SIK2: variants seen among roughly 807,000 people sequenced by gnomAD.
SIK2 encodes the protein salt inducible kinase 2.
SIK2 carries 29 observed loss-of-function variants against 103.2 expected under a neutral mutation model. The ratio of observed to expected loss-of-function variants is 0.28; its 90% CI spans 0.21 to 0.38. The LOEUF is 0.38. Among genes scored for constraint, SIK2 ranks in the 10% least tolerant of loss-of-function variants. SIK2 has a pLI of 1.00. For missense variants in SIK2, 879 were observed against 1,171.0 expected, an observed-to-expected ratio of 0.75 and a Z score of 3.64; for synonymous variants, 412 against 446.1, an observed-to-expected ratio of 0.92 and a Z score of 0.96.
intron 3 of SIK2, among the ~76,000 whole-genome samples, chr11:111,676,018 G>GT (rs533762078): frequency 2.0e-5 from 3 of 152,090 alleles, no homozygotes; most frequent in Non-Finnish European, 2.9e-5. Flanking sequence ...GCAGTTTTTG[G>GT]TTTTCTGTTT....
intron 9 of SIK2, among the ~76,000 whole-genome samples, chr11:111,712,728 A>G (rs942484859): frequency 1.3e-5 from 2 of 152,264 alleles, no homozygotes; most frequent in Admixed American, 6.5e-5. Context: ...GCTGAAAACA[A>G]AAAAATTAAC....
At chr11:111,654,160 T>C (rs2135865752) in intron 3 of SIK2, among the ~76,000 whole-genome samples, 1 of 152,366 alleles carries the variant, frequency 6.6e-6, no homozygotes, top group Non-Finnish European at 1.5e-5. Context: ...CTTTATTGTT[T>C]TTTCAATTTT....
At chr11:111,712,040 A>G (rs1943511056) in intron 8 of SIK2, among the ~76,000 whole-genome samples, 171 bp from the exon 9 acceptor site, 1 of 152,270 alleles carries the variant, frequency 6.6e-6, no homozygotes, top group South Asian at 2.1e-4. Context: ...AGTCTGCTTC[A>G]GATCACTGTC....
chr11:111,723,260 T>A (rs912076197), intron 14 of SIK2, among the ~76,000 whole-genome samples: 1 of 151,976 alleles, frequency 6.6e-6, no homozygotes, highest in African/African-American at 2.4e-5. Flanking sequence ...AAACTCGGAG[T>A]CAGAGAAAAT....
In SIK2 at chr11:111,726,890, T is replaced by TA; in HGVS notation, c.*2766dup. 2 of 1,408,468 alleles carry TA rather than the reference T, an allele frequency of 1.4e-6. No homozygotes were observed. The highest frequency in any genetic ancestry group is 2.0e-6 in the Non-Finnish European group (2 of 1,003,836). The allele number at this position is 1,408,468 out of a possible 1,614,324, so 87.2% of individuals were successfully genotyped here. On this transcript the variant is annotated 3_prime_UTR_variant, in exon 15 of 15. Transcript: ENST00000304987. Reference sequence around the variant, plus strand: ...AGACTTTGGTGAGATGAACGTGAGGTAAAAATTTCGTTCGGCAAAAAGTGC... The same window carrying TA: ...AGACTTTGGTGAGATGAACGTGAGGTAAAAAATTTCGTTCGGCAAAAAGTGC...
Position 111,724,258 on chromosome 11 carries a change from TGGAA to T in SIK2, c.*130_*133del, listed in dbSNP as rs1023089056. The T allele has an allele frequency of 1.3e-5, 17 of 1,317,452 alleles. No homozygotes were observed. In the African/African-American group the frequency reaches 1.8e-4, roughly 14 times the overall value. The allele number at this position is 1,317,452 out of a possible 1,614,324, so 81.6% of individuals were successfully genotyped here. A position where few individuals can be genotyped will look rare whatever the true frequency, so the allele number is the denominator to read the frequency against. ...ACGGGGAGAAATCGAGCCACCCAAC[TGGAA>T]TCAGAGGGTCTGGCTGGGGTGGATG... On this transcript the variant is annotated 3_prime_UTR_variant, in exon 15 of 15. Coordinates refer to ENST00000304987, the MANE Select transcript of SIK2 (RefSeq NM_015191.3).
intron 3 of SIK2, among the ~76,000 whole-genome samples, chr11:111,642,543 C>CA (rs1689985359): frequency 6.6e-6 from 1 of 152,170 alleles, no homozygotes; most frequent in Non-Finnish European, 1.5e-5. Flanking sequence ...GCCACCCTCC[C>CA]AGCACCTCAG....
At chr11:111,683,161 G>T in intron 3 of SIK2, 1 of 155,122 alleles carries the variant, frequency 6.4e-6, no homozygotes. Flanking sequence ...TGATCGCCAG[G>T]GTTGATTTGG....
At position 111,668,919 on chromosome 11, in the gene SIK2, G is replaced by A. The variant is rs151211502; in HGVS notation, c.317-19082G>A. Among the ~76,000 whole-genome samples the A allele has an allele frequency of 1.6e-3, 239 of 152,312 alleles. 2 individuals carry two copies. The highest frequency in any genetic ancestry group is 5.3e-3 in the African/African-American group (221 of 41,562). ...TTTGTTGATGGATTGGATGTGGAGA[G>A]AGGGCAGGGTGTGGAGATTAGCTCT... On this transcript the variant is annotated intron_variant, in intron 3 of 14. Coordinates refer to ENST00000304987, the MANE Select transcript of SIK2 (RefSeq NM_015191.3).
In SIK2 at chr11:111,712,321, T is replaced by C. The variant is rs1565382730; in HGVS notation, c.1212T>C (p.Ser404=). ...SNVEAFSFPA[S]GCQAEAAFME... ...TGGAGGCCTTTTCATTTCCAGCATC[T>C]GGCTGTCAGGCGGAAGCTGCATTCA... The change falls in exon 9 of 15, where the codon TCT becomes TCC. Residue 404 remains serine, a synonymous_variant. Coordinates refer to ENST00000304987, the MANE Select transcript of SIK2 (RefSeq NM_015191.3). 1 of 1,614,216 alleles carries C rather than the reference T, an allele frequency of 6.2e-7. No individual in the cohort carries two copies. Among genetic ancestry groups the C allele is most frequent in the Admixed American group, 1.7e-5 (1 of 60,022 alleles).
intron 3 of SIK2, among the ~76,000 whole-genome samples, chr11:111,677,561 G>T (rs1233219907): frequency 4.0e-5 from 6 of 151,056 alleles, no homozygotes; most frequent in African/African-American, 1.5e-4. Context: ...GAGATTACAG[G>T]CGTGTGCCAC....
intron 9 of SIK2, among the ~76,000 whole-genome samples, chr11:111,714,562 G>A (rs1017808646): frequency 5.9e-5 from 9 of 152,174 alleles, no homozygotes; most frequent in Non-Finnish European, 1.0e-4. Context: ...CTAGAATAGT[G>A]GCAGATAGAG....
rs1156593911 is a variant in SIK2, at chr11:111,730,646, T to C, written c.*6517T>C. 1.3e-5 allele frequency: 2 copies of C among 152,082 alleles called. No homozygotes were observed. Among genetic ancestry groups the C allele is most frequent in the Non-Finnish European group, 2.9e-5 (2 of 68,014 alleles). 9.4% of individuals were successfully genotyped at this position (152,082 alleles called of 1,614,324 possible). On this transcript the variant is annotated 3_prime_UTR_variant, in exon 15 of 15. Transcript: ENST00000304987. Reference sequence around the variant, plus strand: ...GGTGAGTTCAGTAGCTTTGGTATTATGAGTGCAAATCATAATAGCTCCAAT... The same window carrying C: ...GGTGAGTTCAGTAGCTTTGGTATTACGAGTGCAAATCATAATAGCTCCAAT...
At chr11:111,613,764 T>C (rs912755174) in intron 1 of SIK2, among the ~76,000 whole-genome samples, 5 of 152,214 alleles carry the variant, frequency 3.3e-5, no homozygotes, top group Non-Finnish European at 7.3e-5. Context: ...CTATGTACTT[T>C]ACTCCCTAGA....
intron 2 of SIK2, 40 bp downstream of exon 2, chr11:111,616,399 G>A: frequency 1.8e-6 from 2 of 1,092,718 alleles, no homozygotes; most frequent in Non-Finnish European, 2.8e-6. Flanking sequence ...CATTCCACAA[G>A]ATAGTTCTCT....
At chr11:111,636,986 G>A (rs1942116412) in intron 3 of SIK2, among the ~76,000 whole-genome samples, 1 of 152,126 alleles carries the variant, frequency 6.6e-6, no homozygotes, top group Non-Finnish European at 1.5e-5. Flanking sequence ...AATTTGTGGT[G>A]CTAGGCTATC....
At chr11:111,682,960 G>A (rs1177069427) in intron 3 of SIK2, among the ~76,000 whole-genome samples, 1 of 152,042 alleles carries the variant, frequency 6.6e-6, no homozygotes, top group Non-Finnish European at 1.5e-5. Flanking sequence ...AAACTGGAGG[G>A]GGTGTTGACA....
intron 1 of SIK2, among the ~76,000 whole-genome samples, chr11:111,611,085 AAT>A (rs376841242): frequency 0.24 from 32,251 of 134,636 alleles, 4,260 homozygotes; most frequent in Non-Finnish European, 0.32. Flanking sequence ...CTCTCGACCA[AAT>A]GTGTGTGTGT....
At chr11:111,723,247 A>G (rs1383743458) in intron 14 of SIK2, among the ~76,000 whole-genome samples, 1 of 152,188 alleles carries the variant, frequency 6.6e-6, no homozygotes, top group African/African-American at 2.4e-5. Context: ...TGTATAAAGG[A>G]AAAAACTCGG....
Sources: gnomAD v4.1 joint callset for allele counts (sites outside exome capture counted in the v4.1 genomes callset) on GRCh38, gnomAD v4.1.1 for gene constraint, MANE v1.5 for transcripts, NCBI Gene and HGNC (gene_info 2026-07-23, HGNC 2026-07-21) for gene names.